The following TM4SF1 variants were observed in gnomAD, a reference collection of about 807,000 sequenced individuals.
The protein encoded by TM4SF1 is transmembrane 4 L six family member 1.
A neutral mutation model predicts 24.5 loss-of-function variants in TM4SF1; 20 were observed. That is an observed-to-expected ratio of 0.82 (90% confidence interval 0.57 to 1.19). The LOEUF is 1.19. TM4SF1 is among the 50% of genes most tolerant of loss of function. The pLI, the probability that TM4SF1 is intolerant of heterozygous loss-of-function variation, is 0.00. For missense variants in TM4SF1, 258 were observed against 248.1 expected (o/e 1.04, Z -0.27); for synonymous variants, 107 against 95.4 (o/e 1.12, Z -0.71).
At chr3:149,369,915 C>G in intron 4 of TM4SF1, 35 bp from the exon 5 acceptor site, 1 of 1,592,720 alleles carries the variant, frequency 6.3e-7, no homozygotes, top group Non-Finnish European at 8.5e-7. Context: ...AGGCTATAAT[C>G]AGGATAAATA....
At chr3:149,370,207 G>A in intron 4 of TM4SF1, 2 of 233,188 alleles carry the variant, frequency 8.6e-6, no homozygotes, top group Non-Finnish European at 1.6e-5. Flanking sequence ...ACTGGTATGA[G>A]CTCAATGTGG....
Position 149,370,041 on chromosome 3 carries a change from G to A in TM4SF1, c.595-161C>T, listed in dbSNP as rs1731783663. ...AGGGCTTGGACAATGCTCACAAAAT[G>A]TTTCCTAAACAAACCCAGATCCCTT... On this transcript the variant is annotated intron_variant, in intron 4 of 4. Coordinates refer to ENST00000305366, the MANE Select transcript of TM4SF1 (RefSeq NM_014220.3). 4 of 872,364 alleles carry A rather than the reference G, an allele frequency of 4.6e-6. No homozygotes were observed. The Admixed American group carries it at 9.4e-5, about 21-fold the overall frequency. 54.0% of individuals were successfully genotyped at this position (872,364 alleles called of 1,614,324 possible). A position where few individuals can be genotyped will look rare whatever the true frequency, so the allele number is the denominator to read the frequency against.
chr3:149,371,138 A>T (rs9847293), intron 4 of TM4SF1: 25,390 of 153,500 alleles, frequency 0.17, 2,397 homozygotes, highest in East Asian at 0.39. Flanking sequence ...CCTTATTAGG[A>T]AGGAATTGCA....
intron 3 of TM4SF1, among the ~76,000 whole-genome samples, chr3:149,372,134 A>G (rs1731839181): frequency 6.6e-6 from 1 of 152,214 alleles, no homozygotes; most frequent in African/African-American, 2.4e-5. Context: ...AATGATATTT[A>G]TATTCCCTAA....
Position 149,369,407 on chromosome 3 carries a change from T to A in TM4SF1, c.*459A>T, listed in dbSNP as rs1731767347. 1 of 161,064 alleles carries A rather than the reference T, an allele frequency of 6.2e-6. No individual in the cohort carries two copies. The highest frequency in any genetic ancestry group is 1.8e-4 in the South Asian group (1 of 5,444). 10.0% of individuals were successfully genotyped at this position (161,064 alleles called of 1,614,324 possible). On this transcript the variant is annotated 3_prime_UTR_variant, in exon 5 of 5. Coordinates refer to ENST00000305366, the MANE Select transcript of TM4SF1 (RefSeq NM_014220.3). Reference sequence around the variant, plus strand: ...GCCTCTTGTTAGAGATTTATAGGTGTATGAATGGGAAACATCATACAAGCA... The same window carrying A: ...GCCTCTTGTTAGAGATTTATAGGTGAATGAATGGGAAACATCATACAAGCA...
chr3:149,371,028 T>C (rs1576847594), intron 4 of TM4SF1: 1 of 152,256 alleles, frequency 6.6e-6, no homozygotes, highest in East Asian at 1.9e-4. Context: ...AGGAAACAAG[T>C]GCTTCCTGGT....
rs924529127 is a variant in TM4SF1 at position 149,377,600 on chromosome 3, C to T, written c.-53G>A. 2 of 1,565,168 alleles carry T rather than the reference C, an allele frequency of 1.3e-6. No individual in the cohort carries two copies. The highest frequency in any genetic ancestry group is 1.4e-5 in the African/African-American group (1 of 73,536). On this transcript the variant is annotated 5_prime_UTR_variant, in exon 1 of 5. Transcript: ENST00000305366. ...CTCTTTGTCTTCAGCTCAGTGATAC[C>T]CCAAATTAGATGAAAGTGTGCCCTT...
chr3:149,374,737 A>C (rs990924632), intron 3 of TM4SF1, among the ~76,000 whole-genome samples: 1 of 151,754 alleles, frequency 6.6e-6, no homozygotes, highest in Non-Finnish European at 1.5e-5. Flanking sequence ...ATATGAGTGC[A>C]TGTATACACA....
chr3:149,371,898 C>T (rs376521332), intron 3 of TM4SF1, 31 bp from the exon 4 acceptor site: 15 of 1,607,448 alleles, frequency 9.3e-6, no homozygotes, highest in African/African-American at 2.7e-5. Context: ...TTCTGACACA[C>T]GGTCATACTT....
chr3:149,376,597 A>G (rs1197806301), intron 1 of TM4SF1, among the ~76,000 whole-genome samples: 1 of 152,236 alleles, frequency 6.6e-6, no homozygotes, highest in East Asian at 1.9e-4. Flanking sequence ...TAAATGTTTT[A>G]CTATCTTTTA....
rs1433546713 is a variant in TM4SF1, at chr3:149,375,731, C to G, written c.216G>C (p.Gln72His). 1.2e-6 allele frequency: 2 copies of G among 1,614,184 alleles called. No individual in the cohort carries two copies. The highest frequency in any genetic ancestry group is 1.7e-6 in the Non-Finnish European group (2 of 1,180,006). Residue 72 changes from glutamine (Q) to histidine (H), a missense_variant, in exon 2 of 5, where the codon CAG becomes CAC. Transcript: ENST00000305366. ...LPAFVFIGLE[Q>H]DDCCGCCGHE... ...GGCCACAGCAGCCACAGCAGTCATC[C>G]TGTTCCAGCCCAATGAAGACAAATG...
intron 1 of TM4SF1, among the ~76,000 whole-genome samples, chr3:149,376,464 T>C (rs1388805087): frequency 6.6e-6 from 1 of 151,876 alleles, no homozygotes; most frequent in Non-Finnish European, 1.5e-5. Flanking sequence ...GGCCCATGAG[T>C]TCAAGACCAG....
At chr3:149,371,966 T>C (rs1390749910) in intron 3 of TM4SF1, 99 bp from the exon 4 acceptor site, 1 of 1,171,866 alleles carries the variant, frequency 8.5e-7, no homozygotes, top group Non-Finnish European at 1.2e-6. Flanking sequence ...AAAAAAGGAA[T>C]GAATTATTCA....
intron 3 of TM4SF1, among the ~76,000 whole-genome samples, chr3:149,372,801 C>T (rs1463818645): frequency 6.6e-6 from 1 of 152,142 alleles, no homozygotes; most frequent in African/African-American, 2.4e-5. Context: ...TAGCTCTTCA[C>T]TTTCATGATG....
Position 149,369,694 on chromosome 3 carries a change from C to A in TM4SF1, c.*172G>T. On this transcript the variant is annotated 3_prime_UTR_variant, in exon 5 of 5. Coordinates refer to ENST00000305366, the MANE Select transcript of TM4SF1 (RefSeq NM_014220.3). Reference sequence around the variant, plus strand: ...AATAAACAAACAAAAAAGAAGTTTACTAAATTTAAACACTGACATCCTGTG... The same window carrying A: ...AATAAACAAACAAAAAAGAAGTTTAATAAATTTAAACACTGACATCCTGTG... 1.4e-6 allele frequency: 1 copy of A among 729,680 alleles called. No individual in the cohort carries two copies. The highest frequency in any genetic ancestry group is 2.1e-6 in the Non-Finnish European group (1 of 471,632). 45.2% of individuals were successfully genotyped at this position (729,680 alleles called of 1,614,324 possible).
At chr3:149,369,915 C>A (rs1731779069) in intron 4 of TM4SF1, 35 bp from the exon 5 acceptor site, 1 of 1,592,716 alleles carries the variant, frequency 6.3e-7, no homozygotes. Context: ...AGGCTATAAT[C>A]AGGATAAATA....
chr3:149,375,667 CAGG>C lies in TM4SF1; in HGVS notation c.267+10_267+12del, dbSNP rs1560003473. On this transcript the variant is annotated intron_variant, in intron 2 of 4. Coordinates refer to ENST00000305366, the MANE Select transcript of TM4SF1 (RefSeq NM_014220.3). ...TTAGGAGTCATTTTCACCACCAGGG[CAGG>C]AGGACCTACCGCACATCGTTTGCCA... 18 of 1,614,064 alleles carry C rather than the reference CAGG, an allele frequency of 1.1e-5. 1 individual carries two copies. In the South Asian group the frequency reaches 2.0e-4, roughly 18 times the overall value.
chr3:149,373,747 T>A (rs1235082467), intron 3 of TM4SF1, among the ~76,000 whole-genome samples: 1 of 152,200 alleles, frequency 6.6e-6, no homozygotes, highest in African/African-American at 2.4e-5. Context: ...CAGTTTTAAA[T>A]GAAGAATGAC....
Position 149,369,723 on chromosome 3 carries a change from A to G in TM4SF1, c.*143T>C. Reference sequence around the variant, plus strand: ...ATTTAAACACTGACATCCTGTGAAGATGCCAGTCTTTACAGGCGTTTGTAA... The same window carrying G: ...ATTTAAACACTGACATCCTGTGAAGGTGCCAGTCTTTACAGGCGTTTGTAA... On this transcript the variant is annotated 3_prime_UTR_variant, in exon 5 of 5. Coordinates refer to ENST00000305366, the MANE Select transcript of TM4SF1 (RefSeq NM_014220.3). 3.2e-6 allele frequency: 3 copies of G among 923,724 alleles called. No individual in the cohort carries two copies. Among genetic ancestry groups the G allele is most frequent in the Non-Finnish European group, 3.3e-6 (2 of 605,966 alleles). The allele number at this position is 923,724 out of a possible 1,614,324, so 57.2% of individuals were successfully genotyped here.
Sources: gnomAD v4.1 joint callset for allele counts (sites outside exome capture counted in the v4.1 genomes callset) on GRCh38, gnomAD v4.1.1 for gene constraint, MANE v1.5 for transcripts, NCBI Gene and HGNC (gene_info 2026-07-23, HGNC 2026-07-21) for gene names.